CHRM3: variants seen among roughly 807,000 people sequenced by gnomAD.
The protein encoded by CHRM3 is cholinergic receptor muscarinic 3, also known as muscarinic acetylcholine receptor M3.
A neutral mutation model predicts 41.8 loss-of-function variants in CHRM3; 11 were observed. That is an observed-to-expected ratio of 0.26 (90% CI 0.17 to 0.44). CHRM3 has a LOEUF of 0.44. Ranked by LOEUF, CHRM3 falls within the 20% of genes least tolerant of loss-of-function variation. The probability of loss-of-function intolerance (pLI) is 1.00; values close to 1 mark genes in which losing one functional copy is unlikely to be tolerated. For synonymous variants in CHRM3, 297 were observed against 301.4 expected, an observed-to-expected ratio of 0.99 and a Z score of 0.15; for missense variants, 571 against 745.4, an observed-to-expected ratio of 0.77 and a Z score of 2.72.
chr1:239,647,573 T>A (rs997123623), intron 4 of CHRM3, among the ~76,000 whole-genome samples: 8 of 152,196 alleles, frequency 5.3e-5, no homozygotes, highest in Admixed American at 5.2e-4. Context: ...TTTTTCCTTT[T>A]TACTTAACTT....
rs138366552 is a variant in CHRM3, at chr1:239,394,308, C to T, written c.-521+7081C>T. Among the ~76,000 whole-genome samples the T allele has an allele frequency of 4.2e-4, 64 of 152,312 alleles. No homozygotes were observed. The East Asian group carries it at 0.011, about 26-fold the overall frequency. On this transcript the variant is annotated intron_variant, in intron 1 of 6. Coordinates refer to ENST00000676153, the MANE Select transcript of CHRM3 (RefSeq NM_001375978.1). Reference sequence around the variant, plus strand: ...CAGCTCCTGGTAGCTATCTGCATTCCTTGACTTGTGAGCATATCATTCCAA... The same window carrying T: ...CAGCTCCTGGTAGCTATCTGCATTCTTTGACTTGTGAGCATATCATTCCAA...
At chr1:239,795,403 G>T (rs2148887243) in intron 5 of CHRM3, among the ~76,000 whole-genome samples, 1 of 152,290 alleles carries the variant, frequency 6.6e-6, no homozygotes, top group South Asian at 2.1e-4. Context: ...ATTGCATTGA[G>T]AGTGACTTGG....
chr1:239,830,782 T>A (rs1449120539), intron 6 of CHRM3, among the ~76,000 whole-genome samples: 1 of 152,138 alleles, frequency 6.6e-6, no homozygotes, highest in Non-Finnish European at 1.5e-5. Flanking sequence ...AGAAGACCAA[T>A]GATGTCCCTG....
At chr1:239,448,559 A>G (rs1664317584) in intron 1 of CHRM3, among the ~76,000 whole-genome samples, 1 of 152,278 alleles carries the variant, frequency 6.6e-6, no homozygotes, top group South Asian at 2.1e-4. Flanking sequence ...TGAACACTCT[A>G]TCAAGTTTGT....
At chr1:239,691,898 G>T (rs1659755065) in intron 5 of CHRM3, among the ~76,000 whole-genome samples, 3 of 152,180 alleles carry the variant, frequency 2.0e-5, no homozygotes, top group Admixed American at 2.0e-4. Flanking sequence ...AAGATCAACT[G>T]TGAAGTCATG....
chr1:239,883,604 A>G (rs957744157), intron 6 of CHRM3, among the ~76,000 whole-genome samples: 13 of 152,226 alleles, frequency 8.5e-5, no homozygotes, highest in Non-Finnish European at 1.5e-4. Flanking sequence ...TTTATAGATG[A>G]GGAAACTGAG....
At chr1:239,779,786 A>C (rs1387775894) in intron 5 of CHRM3, among the ~76,000 whole-genome samples, 2 of 152,220 alleles carry the variant, frequency 1.3e-5, no homozygotes, top group Non-Finnish European at 2.9e-5. Flanking sequence ...TGCTCTACTT[A>C]TTCATTCCTC....
Position 239,569,139 on chromosome 1 carries a change from C to A in CHRM3, c.-313+23390C>A, listed in dbSNP as rs77929709. Among the ~76,000 whole-genome samples the A allele has an allele frequency of 2.8e-3, 431 of 152,244 alleles. 24 individuals carry two copies. In the East Asian group the frequency reaches 0.065, roughly 23 times the overall value. On this transcript the variant is annotated intron_variant, in intron 3 of 6. Coordinates refer to ENST00000676153, the MANE Select transcript of CHRM3 (RefSeq NM_001375978.1). ...TATTTATGTGATAAGTGTATACATGCACATGTAAATATAATATTCCTTCCC... is the reference window on the plus strand; with the variant it reads ...TATTTATGTGATAAGTGTATACATGAACATGTAAATATAATATTCCTTCCC...
rs1658542903 is a variant in CHRM3, at chr1:239,386,799, G to A, written c.-949G>A. The A allele has an allele frequency of 6.5e-6, 1 of 152,778 alleles. No homozygotes were observed. The highest frequency in any genetic ancestry group is 2.4e-5 in the African/African-American group (1 of 41,470). The allele number at this position is 152,778 out of a possible 1,614,324, so 9.5% of individuals were successfully genotyped here. ...GAGAAAAAGTGAGGCGGGAGACAGA[G>A]GGAAAAGGGCGTGAACAGAAAGGGC... On this transcript the variant is annotated 5_prime_UTR_variant, in exon 1 of 7. Coordinates refer to ENST00000676153, the MANE Select transcript of CHRM3 (RefSeq NM_001375978.1).
chr1:239,907,543 C>G lies in CHRM3; in HGVS notation c.92C>G (p.Pro31Arg), dbSNP rs367791242. 4.3e-6 allele frequency: 7 copies of G among 1,614,170 alleles called. No individual in the cohort carries two copies. The highest frequency in any genetic ancestry group is 1.1e-5 in the South Asian group (1 of 91,086). ...AGCCCCTCCGATGCAGGGCTGCCCCCGGGAACCGTCACTCATTTCGGCAGC... is the reference window on the plus strand; with the variant it reads ...AGCCCCTCCGATGCAGGGCTGCCCCGGGGAACCGTCACTCATTTCGGCAGC... ...IHSPSDAGLP[P>R]GTVTHFGSYN... The change falls in exon 7 of 7, where the codon CCG becomes CGG. Residue 31 changes from proline to arginine, a missense_variant. Physicochemically the swap from Pro to Arg is moderately radical, Grantham distance 103. This residue lies in a region of CHRM3 where 92 missense variants were observed against 76.1 expected (regional missense o/e 1.21). Coordinates refer to ENST00000676153, the MANE Select transcript of CHRM3 (RefSeq NM_001375978.1). This position sits in a 1 kb window ranked among gnomAD's most constrained non-coding sequence, Gnocchi z 5.4.
At chr1:239,524,475 C>G (rs1478738839) in intron 2 of CHRM3, among the ~76,000 whole-genome samples, 1 of 151,830 alleles carries the variant, frequency 6.6e-6, no homozygotes, top group African/African-American at 2.4e-5. Flanking sequence ...TATTTGTCGC[C>G]ATGACCGCTC....
rs1365341732 is a variant in CHRM3, at chr1:239,912,801, T to A, written c.*3577T>A. 2.4e-5 allele frequency: 4 copies of A among 167,268 alleles called. No homozygotes were observed. The East Asian group carries it at 7.7e-4, about 32-fold the overall frequency. The allele number at this position is 167,268 out of a possible 1,614,324, so 10.4% of individuals were successfully genotyped here. ...TCCAGGAAATTGCACAATCTTCCCCTGGCAGCTTCAGAGGACGAGTGAAAA... is the reference window on the plus strand; with the variant it reads ...TCCAGGAAATTGCACAATCTTCCCCAGGCAGCTTCAGAGGACGAGTGAAAA... On this transcript the variant is annotated 3_prime_UTR_variant, in exon 7 of 7. Transcript: ENST00000676153.
At chr1:239,652,795 G>A (rs1672354870) in intron 4 of CHRM3, among the ~76,000 whole-genome samples, 1 of 150,484 alleles carries the variant, frequency 6.6e-6, no homozygotes, top group Non-Finnish European at 1.5e-5. Context: ...ATAGTGTGGG[G>A]TTGCAACATC....
intron 5 of CHRM3, among the ~76,000 whole-genome samples, chr1:239,714,461 G>A (rs974041855): frequency 6.6e-6 from 1 of 152,134 alleles, no homozygotes; most frequent in South Asian, 2.1e-4. Flanking sequence ...AGACCCGAAA[G>A]GTAAATCAGA....
chr1:239,689,648 T>G (rs1222970607), intron 5 of CHRM3, among the ~76,000 whole-genome samples: 1 of 152,206 alleles, frequency 6.6e-6, no homozygotes, highest in Non-Finnish European at 1.5e-5. Context: ...TCAGAGATCC[T>G]AACAGCGGGA....
At chr1:239,532,009 CTTTTTTT>C (rs34798101) in intron 2 of CHRM3, among the ~76,000 whole-genome samples, 2 of 76,292 alleles carry the variant, frequency 2.6e-5, no homozygotes, top group Non-Finnish European at 4.7e-5. Context: ...TTCCTTCTTT[CTTTTTTT>C]TTTTTTTTTT....
chr1:239,685,502 C>T lies in CHRM3; in HGVS notation c.-147+7214C>T, dbSNP rs566890072. Among the ~76,000 whole-genome samples the T allele has an allele frequency of 3.9e-4, 60 of 152,212 alleles. No individual in the cohort carries two copies. The South Asian group carries it at 0.011, about 28-fold the overall frequency. ...AATAATGAGAAGTTCCTGCTCCTCTCGTGCATTGGGTTGTGGTACCTCTCA... is the reference window on the plus strand; with the variant it reads ...AATAATGAGAAGTTCCTGCTCCTCTTGTGCATTGGGTTGTGGTACCTCTCA... On this transcript the variant is annotated intron_variant, in intron 5 of 6. Transcript: ENST00000676153.
intron 3 of CHRM3, among the ~76,000 whole-genome samples, chr1:239,609,001 T>C (rs1191355179): frequency 6.6e-6 from 1 of 152,214 alleles, no homozygotes; most frequent in Non-Finnish European, 1.5e-5. Context: ...TACTATATAC[T>C]GCACATATTA....
intron 2 of CHRM3, among the ~76,000 whole-genome samples, chr1:239,545,054 A>G (rs1659159972): frequency 6.6e-6 from 1 of 152,108 alleles, no homozygotes; most frequent in Admixed American, 6.5e-5. Flanking sequence ...ACATAAGGTA[A>G]TGATCAAAAC....
Sources: gnomAD v4.1 joint callset for allele counts (sites outside exome capture counted in the v4.1 genomes callset) on GRCh38, gnomAD v4.1.1 for gene constraint, gnomAD v4.1.1 regional missense constraint, Gnocchi (gnomAD v3.1) non-coding constraint, MANE v1.5 for transcripts, NCBI Gene and HGNC (gene_info 2026-07-23, HGNC 2026-07-21) for gene names.